Variants in KDM5A observed in about 807,000 individuals in gnomAD.
KDM5A encodes lysine-specific demethylase 5A.
KDM5A carries 42 observed loss-of-function variants against 193.5 expected under a neutral mutation model. The ratio of observed to expected loss-of-function variants is 0.22; its 90% CI spans 0.17 to 0.28. The LOEUF is 0.28. Among genes scored for constraint, KDM5A ranks in the 10% least tolerant of loss-of-function variants. The pLI, the probability that KDM5A is intolerant of heterozygous loss-of-function variation, is 1.00. For missense variants in KDM5A, 1,692 were observed against 2,055.1 expected (o/e 0.82, Z 3.42); for synonymous variants, 796 against 718.1 (o/e 1.11, Z -1.73).
rs1943153025 is a variant in KDM5A, at chr12:281,428, C to T, written c.*4028G>A. The T allele has an allele frequency of 4.3e-6, 1 of 233,094 alleles. No homozygotes were observed. Among genetic ancestry groups the T allele is most frequent in the Admixed American group, 5.6e-5 (1 of 17,784 alleles). The allele number at this position is 233,094 out of a possible 1,614,324, so 14.4% of individuals were successfully genotyped here. A position where few individuals can be genotyped will look rare whatever the true frequency, so the allele number is the denominator to read the frequency against. On this transcript the variant is annotated 3_prime_UTR_variant, in exon 28 of 28. Transcript: ENST00000399788. Reference sequence around the variant, plus strand: ...TAGTGGTGACTGGATATGATCCAGGCCAAGACAAGACCAAAATTCAAAAAA... The same window carrying T: ...TAGTGGTGACTGGATATGATCCAGGTCAAGACAAGACCAAAATTCAAAAAA...
intron 21 of KDM5A, 37 bp from the exon 22 acceptor site, chr12:310,001 T>A: frequency 6.3e-7 from 1 of 1,599,372 alleles, no homozygotes; most frequent in Non-Finnish European, 8.5e-7. Context: ...ACTCTGGTTT[T>A]GAAAATAATC....
chr12:293,327 T>A (rs937200694), intron 26 of KDM5A, among the ~76,000 whole-genome samples, 158 bp from the exon 27 acceptor site: 5 of 152,170 alleles, frequency 3.3e-5, no homozygotes, highest in African/African-American at 1.2e-4. Flanking sequence ...GAGATTTGTT[T>A]AGTGGGTATA....
At chr12:362,784 A>T (rs1030274398) in intron 5 of KDM5A, among the ~76,000 whole-genome samples, 179 bp downstream of exon 5, 4 of 152,212 alleles carry the variant, frequency 2.6e-5, no homozygotes, top group African/African-American at 4.8e-5. Context: ...CAGTTCATGC[A>T]TTTAAAACTC....
rs191645668 is a variant in KDM5A, at chr12:344,603, G to T, written c.1308+6018C>A. Among the ~76,000 whole-genome samples the T allele has an allele frequency of 4.6e-3, 698 of 152,292 alleles. 2 individuals carry two copies. The highest frequency in any genetic ancestry group is 0.031 in the Middle Eastern group (9 of 294). ...CCCTACAAGCCAGAAGAGAGTGGGG[G>T]CCAATATTCAACATTCTTAAAGAAA... On this transcript the variant is annotated intron_variant, in intron 10 of 27. Transcript: ENST00000399788.
chr12:346,377 A>G (rs891014502), intron 10 of KDM5A, among the ~76,000 whole-genome samples: 1 of 152,222 alleles, frequency 6.6e-6, no homozygotes, highest in Admixed American at 6.5e-5. Flanking sequence ...TATTCCAAGC[A>G]ATAGAAAAAG....
At chr12:295,100 T>C (rs1401154469) in intron 26 of KDM5A, among the ~76,000 whole-genome samples, 1 of 152,184 alleles carries the variant, frequency 6.6e-6, no homozygotes, top group Non-Finnish European at 1.5e-5. Flanking sequence ...ACAGAGGTTG[T>C]TCTAAACGGG....
chr12:373,648 T>G (rs1289529481), intron 3 of KDM5A, among the ~76,000 whole-genome samples: 1 of 152,218 alleles, frequency 6.6e-6, no homozygotes, highest in Non-Finnish European at 1.5e-5. Flanking sequence ...TACTTCCTTC[T>G]CTAGTTCTTT....
At chr12:374,906 C>T (rs1215898916) in intron 3 of KDM5A, among the ~76,000 whole-genome samples, 2 of 152,132 alleles carry the variant, frequency 1.3e-5, no homozygotes, top group East Asian at 3.8e-4. Flanking sequence ...CATTGGCCCC[C>T]ACTCTCTGCT....
chr12:292,005 C>T (rs1030137762), intron 27 of KDM5A, among the ~76,000 whole-genome samples: 8 of 151,108 alleles, frequency 5.3e-5, no homozygotes, highest in South Asian at 2.1e-4. Flanking sequence ...TGGGTTCAAG[C>T]GATTCCCCTG....
intron 22 of KDM5A, among the ~76,000 whole-genome samples, chr12:308,321 C>T (rs1180864221): frequency 1.3e-5 from 2 of 152,144 alleles, no homozygotes; most frequent in Non-Finnish European, 2.9e-5. Context: ...ATATGGGGTA[C>T]AAGTTTCAGA....
intron 10 of KDM5A, among the ~76,000 whole-genome samples, chr12:341,884 G>A (rs553848299): frequency 6.7e-6 from 1 of 149,718 alleles, no homozygotes; most frequent in Admixed American, 6.7e-5. Flanking sequence ...GGGCAACAGG[G>A]CAAGACTCTG....
intron 3 of KDM5A, among the ~76,000 whole-genome samples, chr12:383,580 G>C (rs986331506): frequency 1.3e-5 from 2 of 151,844 alleles, no homozygotes; most frequent in African/African-American, 4.8e-5. Context: ...TGTACACTCA[G>C]CACAAGATAA....
rs1250416532 is a variant in KDM5A, at chr12:318,359, A to G, written c.2644T>C (p.Ser882Pro). 6 of 1,614,172 alleles carry G rather than the reference A, an allele frequency of 3.7e-6. No homozygotes were observed. Among genetic ancestry groups the G allele is most frequent in the Middle Eastern group, 1.6e-4 (1 of 6,062 alleles). The part of the protein sequence containing the change: ...SKLQMLIDMG[S>P]SLYVELPELP... ...TCAGGGAGTTCCACATAGAGACTAG[A>G]GCCCATATCTATCAACATCTGGAGT... Residue 882 changes from serine (S) to proline (P), a missense_variant, in exon 19 of 28, where the codon TCT becomes CCT. Physicochemically the swap from Ser to Pro is moderately conservative, Grantham distance 74 (BLOSUM62 -1). Around this residue, in one of 11 missense-constraint regions of KDM5A, gnomAD observed 965 missense variants for 1,061.0 expected, o/e 0.91. Transcript: ENST00000399788.
At chr12:304,238 T>C (rs541951713) in intron 24 of KDM5A, among the ~76,000 whole-genome samples, 1 of 152,248 alleles carries the variant, frequency 6.6e-6, no homozygotes, top group East Asian at 1.9e-4. Flanking sequence ...TACTAAATAA[T>C]TACCTACCCC....
At chr12:306,910 C>A (rs753786412) in intron 24 of KDM5A, 36 bp downstream of exon 24, 1 of 1,588,362 alleles carries the variant, frequency 6.3e-7, no homozygotes, top group Non-Finnish European at 8.6e-7. Flanking sequence ...ACCCAATGAT[C>A]AGGTATGTAC....
intron 27 of KDM5A, among the ~76,000 whole-genome samples, chr12:289,043 A>G (rs1024051233): frequency 2.0e-5 from 3 of 152,218 alleles, no homozygotes; most frequent in Non-Finnish European, 4.4e-5. Flanking sequence ...CAACACCCCC[A>G]TGAAAATCTT....
chr12:346,886 ATTCAACATAGTGTTGGAAG>A (rs1289755302), intron 10 of KDM5A, among the ~76,000 whole-genome samples: 1 of 152,192 alleles, frequency 6.6e-6, no homozygotes, highest in Non-Finnish European at 1.5e-5. Context: ...CACCACTCCT[ATTCAACATAGTGTTGGAAG>A]TTCTGGCCAG....
intron 2 of KDM5A, among the ~76,000 whole-genome samples, chr12:385,523 A>C (rs1440692287): frequency 2.0e-5 from 3 of 152,132 alleles, no homozygotes; most frequent in South Asian, 2.1e-4. Context: ...CCAAACCAAA[A>C]CAAAACAAAC....
intron 10 of KDM5A, among the ~76,000 whole-genome samples, chr12:347,125 G>C (rs1282845365): frequency 6.8e-6 from 1 of 146,786 alleles, no homozygotes; most frequent in Admixed American, 6.7e-5. Context: ...ATCATTAACA[G>C]ACAAACAGCC....
Sources: allele counts gnomAD v4.1 joint callset (sites outside exome capture counted in the v4.1 genomes callset), GRCh38; gene constraint gnomAD v4.1.1; regional missense constraint gnomAD v4.1.1; transcripts MANE v1.5; gene names NCBI Gene and HGNC (gene_info 2026-07-23, HGNC 2026-07-21).